INF2: variants seen among roughly 807,000 people sequenced by gnomAD.
INF2 encodes inverted formin 2.
A neutral mutation model predicts 123.5 loss-of-function variants in INF2; 43 were observed. The observed-to-expected ratio is 0.35, with a 90% CI of 0.27 to 0.45. The LOEUF is 0.45. INF2 is among the 20% of genes least tolerant of loss of function. INF2 has a pLI of 1.00. For synonymous variants in INF2, 851 were observed against 745.0 expected, an observed-to-expected ratio of 1.14 and a Z score of -2.32; for missense variants, 1,453 against 1,682.7, an observed-to-expected ratio of 0.86 and a Z score of 2.39.
chr14:104,698,943 G>T (rs1008258820), intron 1 of INF2, among the ~76,000 whole-genome samples: 2 of 152,208 alleles, frequency 1.3e-5, no homozygotes, highest in African/African-American at 4.8e-5. Context: ...CCAGGCACGG[G>T]GGTATAGGAA....
upstream of INF2, among the ~76,000 whole-genome samples, chr14:104,687,739 G>A (rs1031311267): frequency 6.6e-6 from 1 of 152,126 alleles, no homozygotes; most frequent in Non-Finnish European, 1.5e-5. This position sits in a 1 kb window ranked among gnomAD's most constrained non-coding sequence, Gnocchi z 5.6. Flanking sequence ...GGCAGGAAAG[G>A]TGGACCCCTC....
chr14:104,684,914 A>G (rs1888620965), upstream of INF2: 1 of 152,238 alleles, frequency 6.6e-6, no homozygotes, highest in East Asian at 1.9e-4. The surrounding 1 kb of genome is among the most constrained non-coding windows in gnomAD (Gnocchi z 5.0). Context: ...ATATGTCACT[A>G]AACTCCCGGC....
In INF2 at chr14:104,697,664, G is replaced by GCCAGGC. The variant is rs2064383313; in HGVS notation, c.-9-3682_-9-3677dup. Among the ~76,000 whole-genome samples, 3 of 152,248 alleles carry GCCAGGC rather than the reference G, an allele frequency of 2.0e-5. No individual in the cohort carries two copies. In the South Asian group the frequency reaches 6.2e-4, roughly 31 times the overall value. ...GTGCTGGCATCACCACACCAGGCTG[G>GCCAGGC]CCAGGCCCAGGCCCAGAGGGGGACC... On this transcript the variant is annotated intron_variant, in intron 1 of 22. Coordinates refer to ENST00000392634, the MANE Select transcript of INF2 (RefSeq NM_022489.4).
At chr14:104,689,594 G>GCCCCCCCCCC, upstream of INF2, 1 of 251,140 alleles carries the variant, frequency 4.0e-6, no homozygotes, top group Non-Finnish European at 5.5e-6. Flanking sequence ...TCTTCCTCCC[G>GCCCCCCCCCC]CCCGCCCCGC....
intron 18 of INF2, 63 bp downstream of exon 18, chr14:104,713,055 T>C: frequency 5.6e-6 from 9 of 1,608,646 alleles, no homozygotes; most frequent in Non-Finnish European, 5.9e-6. Context: ...CCCCTGGCCT[T>C]CCTCCGGCAG....
At chr14:104,691,588 G>A (rs748018455) in intron 1 of INF2, among the ~76,000 whole-genome samples, 5 of 152,216 alleles carry the variant, frequency 3.3e-5, no homozygotes, top group Non-Finnish European at 5.9e-5. Flanking sequence ...TCAGGATGGT[G>A]GACGGGAAGG....
chr14:104,716,037 G>A, intron 22 of INF2: 1 of 443,198 alleles, frequency 2.3e-6, no homozygotes, highest in Non-Finnish European at 4.5e-6. Flanking sequence ...CAGGGCTGGA[G>A]AGGCCAATGC....
Position 104,709,330 on chromosome 14 carries a change from T to G in INF2, c.1999T>G (p.Phe667Val). 3.1e-6 allele frequency: 5 copies of G among 1,613,016 alleles called. No homozygotes were observed. The highest frequency in any genetic ancestry group is 4.2e-6 in the Non-Finnish European group (5 of 1,179,818). ...AMIRAGDTTK[F>V]DVEVLKQLLK... is the part of the protein sequence containing the mutation. ...GATCCGGGCTGGAGATACCACCAAG[T>G]TTGATGTGGAGGTTCTCAAACAACT... Residue 667 changes from phenylalanine (F) to valine (V), a missense_variant, in exon 11 of 23, where the codon TTT (phenylalanine) becomes GTT (valine). Phe to Val is a conservative substitution (Grantham distance 50, BLOSUM62 -1). Around this residue, in one of 8 missense-constraint regions of INF2, gnomAD observed 192 missense variants for 274.4 expected, o/e 0.70. Coordinates refer to ENST00000392634, the MANE Select transcript of INF2 (RefSeq NM_022489.4).
chr14:104,698,952 A>T (rs766945440), intron 1 of INF2, among the ~76,000 whole-genome samples: 10 of 152,156 alleles, frequency 6.6e-5, no homozygotes, highest in Admixed American at 5.2e-4. Context: ...GGGGTATAGG[A>T]ACCTGATGGG....
At chr14:104,694,362 C>T (rs371210094) in intron 1 of INF2, among the ~76,000 whole-genome samples, 65 of 152,356 alleles carry the variant, frequency 4.3e-4, no homozygotes, top group African/African-American at 1.5e-3. Flanking sequence ...CTTGTTTGCC[C>T]AGTTGGGCCT....
Position 104,714,800 on chromosome 14 carries a change from G to T in INF2, c.3638G>T (p.Arg1213Leu), listed in dbSNP as rs199801767. The T allele has an allele frequency of 6.3e-7, 1 of 1,595,200 alleles. No homozygotes were observed. Residue 1213 changes from arginine to leucine, a missense_variant, in exon 21 of 23, where the codon CGG becomes CTG. Transcript: ENST00000392634. ...GSGTLPRARGRASKGTGKRRK... is the reference protein window; with the variant it reads ...GSGTLPRARGLASKGTGKRRK... Reference sequence around the variant, plus strand: ...GGCACACTCCCCAGGGCCCGGGGCCGGGCCTCAAAGGGGACCGGGAAGCGA... The same window carrying T: ...GGCACACTCCCCAGGGCCCGGGGCCTGGCCTCAAAGGGGACCGGGAAGCGA...
chr14:104,712,462 C>A lies in INF2; in HGVS notation c.2519C>A (p.Ala840Asp). The A allele has an allele frequency of 6.2e-7, 1 of 1,612,662 alleles. No homozygotes were observed. The highest frequency in any genetic ancestry group is 8.5e-7 in the Non-Finnish European group (1 of 1,179,812). The change falls in exon 17 of 23, where the codon GCC becomes GAC. Residue 840 changes from alanine (A) to aspartate (D), a missense_variant. This residue lies in a region of INF2 where 212 missense variants were observed against 266.2 expected (regional missense o/e 0.80). Transcript: ENST00000392634. ...AACCTGGAGATCATCCGCTCAGAGG[C>A]CAGCTCCAACCTGAAGAAGCTTCTG... ...GINLEIIRSE[A>D]SSNLKKLLET...
At chr14:104,681,501 G>A (rs1470348240) in exon 1 of INF2, 15 of 1,196,708 alleles carry the variant, frequency 1.3e-5, no homozygotes, top group Non-Finnish European at 1.7e-5. Context: ...CGGCACACGG[G>A]CACCAGCGCC....
At chr14:104,688,929 C>T (rs1340729897), upstream of INF2, among the ~76,000 whole-genome samples, 1 of 152,216 alleles carries the variant, frequency 6.6e-6, no homozygotes, top group Non-Finnish European at 1.5e-5. Context: ...GTGCCCCCCT[C>T]AATCTAGGAG....
In INF2 at chr14:104,714,549, A is replaced by G. The variant is rs1363315841; in HGVS notation, c.3387A>G (p.Gln1129=). 1.2e-6 allele frequency: 2 copies of G among 1,612,624 alleles called. No homozygotes were observed. Among genetic ancestry groups the G allele is most frequent in the African/African-American group, 2.7e-5 (2 of 74,936 alleles). The change falls in exon 21 of 23, where the codon CAA becomes CAG. Residue 1129 remains glutamine (Q), a synonymous_variant. Transcript: ENST00000392634. ...NQPPAAGSSR[Q]DAKDPTSLLG... The stretch of plus-strand genomic sequence containing the variant: ...CCCCTGCAGCCGGAAGTTCAAGGCA[A>G]GATGCCAAGGATCCCACGTCCTTGC...
chr14:104,719,058 C>A lies in INF2; in HGVS notation c.*265C>A. 1.4e-6 allele frequency: 1 copy of A among 738,186 alleles called. No individual in the cohort carries two copies. The highest frequency in any genetic ancestry group is 2.1e-6 in the Non-Finnish European group (1 of 485,140). 45.7% of individuals were successfully genotyped at this position (738,186 alleles called of 1,614,324 possible). A position where few individuals can be genotyped will look rare whatever the true frequency, so the allele number is the denominator to read the frequency against. On this transcript the variant is annotated 3_prime_UTR_variant, in exon 23 of 23. Transcript: ENST00000392634. Reference sequence around the variant, plus strand: ...CTCCCACCTGCTTCCTAAAGGCAACCCTGGCCCACACCCGCATGCGCCCGG... The same window carrying A: ...CTCCCACCTGCTTCCTAAAGGCAACACTGGCCCACACCCGCATGCGCCCGG...
At chr14:104,691,939 C>T (rs1305734193) in intron 1 of INF2, among the ~76,000 whole-genome samples, 1 of 152,208 alleles carries the variant, frequency 6.6e-6, no homozygotes, top group Non-Finnish European at 1.5e-5. Context: ...CTGGCAACCA[C>T]CAGGCCAGGA....
intron 16 of INF2, 85 bp from the exon 17 acceptor site, chr14:104,712,347 CG>C: frequency 7.0e-6 from 11 of 1,570,662 alleles, no homozygotes; most frequent in South Asian, 1.1e-5. Context: ...AGTGGGGTGC[CG>C]GGGGGTGCAG....
At chr14:104,686,867 G>T (rs964996368), upstream of INF2, among the ~76,000 whole-genome samples, 1 of 152,194 alleles carries the variant, frequency 6.6e-6, no homozygotes, top group East Asian at 1.9e-4. Context: ...TCAAGCTGTC[G>T]GTGCCAAGGC....
Sources: gnomAD v4.1 joint callset for allele counts (sites outside exome capture counted in the v4.1 genomes callset) on GRCh38, gnomAD v4.1.1 for gene constraint, gnomAD v4.1.1 regional missense constraint, Gnocchi (gnomAD v3.1) non-coding constraint, MANE v1.5 for transcripts, NCBI Gene and HGNC (gene_info 2026-07-23, HGNC 2026-07-21) for gene names.